Variants in SETD5 observed in about 807,000 individuals in gnomAD.
SETD5 encodes the protein SET domain containing 5.
SETD5 carries 44 observed loss-of-function variants against 153.3 expected under a neutral mutation model. The ratio of observed to expected loss-of-function variants is 0.29; its 90% CI spans 0.23 to 0.37. The LOEUF is 0.37. SETD5 is among the 10% of genes least tolerant of loss of function. SETD5 has a pLI of 1.00. For missense variants in SETD5, 1,544 were observed against 1,768.0 expected, an observed-to-expected ratio of 0.87 and a Z score of 2.27; for synonymous variants, 716 against 645.2, an observed-to-expected ratio of 1.11 and a Z score of -1.66.
intron 17 of SETD5, among the ~76,000 whole-genome samples, chr3:9,460,964 C>T (rs1007224900): frequency 3.3e-5 from 5 of 151,954 alleles, no homozygotes; most frequent in African/African-American, 7.3e-5. Context: ...TAAAGTGATC[C>T]GTTTGACTAA....
At position 9,447,692 on chromosome 3, in the gene SETD5, G is replaced by A. The variant is rs371738111; in HGVS notation, c.1789G>A (p.Ala597Thr). 3.8e-5 allele frequency: 62 copies of A among 1,613,654 alleles called. No individual in the cohort carries two copies. In the African/African-American group the frequency reaches 6.9e-4, roughly 18 times the overall value. Reference sequence around the variant, plus strand: ...GACCCTACTATTGCTACAGGATATTGCTGCAGAAAAACTAGTCCCCAAGCC... The same window carrying A: ...GACCCTACTATTGCTACAGGATATTACTGCAGAAAAACTAGTCCCCAAGCC... ...TRRSSQAGDI[A>T]AEKLVPKPPP... is the part of the protein sequence containing the mutation. The change falls in exon 15 of 23, where the codon GCT becomes ACT. Residue 597 changes from alanine to threonine, a missense_variant. By Grantham distance (58) the Ala-to-Thr change is moderately conservative. Around this residue, in one of 9 missense-constraint regions of SETD5, gnomAD observed 782 missense variants for 787.2 expected, o/e 0.99. Transcript: ENST00000402198.
chr3:9,426,890 G>A (rs1449644917), intron 2 of SETD5, among the ~76,000 whole-genome samples: 1 of 151,968 alleles, frequency 6.6e-6, no homozygotes, highest in Admixed American at 6.5e-5. Context: ...GTAGGAACAG[G>A]CGTATTGTCA....
chr3:9,436,210 C>G (rs1173163527), intron 7 of SETD5, among the ~76,000 whole-genome samples: 1 of 152,188 alleles, frequency 6.6e-6, no homozygotes, highest in African/African-American at 2.4e-5. Flanking sequence ...CTTCCACTAT[C>G]CTTACAGTAT....
At chr3:9,432,970 C>T (rs553831908) in intron 3 of SETD5, among the ~76,000 whole-genome samples, 5 of 152,320 alleles carry the variant, frequency 3.3e-5, no homozygotes, top group Admixed American at 3.3e-4. Flanking sequence ...TGTTTCAAAT[C>T]TTAGCTGTGT....
chr3:9,475,873 T>C lies in SETD5; in HGVS notation c.4111T>C (p.Ser1371Pro). 2 of 1,614,032 alleles carry C rather than the reference T, an allele frequency of 1.2e-6. No individual in the cohort carries two copies. Among genetic ancestry groups the C allele is most frequent in the Non-Finnish European group, 1.7e-6 (2 of 1,179,898 alleles). ...TCAGTCCAGCACAGGAACTCTGAGT[T>C]CCACCTCCTTTCCTCAGAACTCTAG... ...VSQSSTGTLS[S>P]TSFPQNSRSS... Residue 1371 changes from serine to proline, a missense_variant, in exon 23 of 23, where the codon TCC (serine) becomes CCC (proline). By Grantham distance (74) the Ser-to-Pro change is moderately conservative. Around this residue, in one of 9 missense-constraint regions of SETD5, gnomAD observed 302 missense variants for 277.6 expected, o/e 1.09. Transcript: ENST00000402198.
At chr3:9,466,070 C>G (rs569000217) in intron 18 of SETD5, among the ~76,000 whole-genome samples, 1 of 152,008 alleles carries the variant, frequency 6.6e-6, no homozygotes, top group South Asian at 2.1e-4. Flanking sequence ...AGGCGGATCA[C>G]GAGGTCAGTA....
chr3:9,448,414 C>G lies in SETD5; in HGVS notation c.2130C>G (p.Asp710Glu). The G allele has an allele frequency of 2.5e-6, 4 of 1,613,874 alleles. No individual in the cohort carries two copies. In the African/African-American group the frequency reaches 5.3e-5, roughly 22 times the overall value. ...KKYLVTEWLN[D>E]KAEKQECPVE... Reference sequence around the variant, plus strand: ...ATCTAGTTACAGAATGGTTGAATGACAAAGCAGAGAAGCAAGAGTGCCCTG... The same window carrying G: ...ATCTAGTTACAGAATGGTTGAATGAGAAAGCAGAGAAGCAAGAGTGCCCTG... The change falls in exon 16 of 23, where the codon GAC (aspartate) becomes GAG (glutamate). Residue 710 changes from aspartate to glutamate, a missense_variant. Physicochemically the swap from Asp to Glu is conservative, Grantham distance 45 (BLOSUM62 2). Coordinates refer to ENST00000402198, the MANE Select transcript of SETD5 (RefSeq NM_001080517.3).
At chr3:9,457,926 A>G (rs2043460523) in intron 17 of SETD5, among the ~76,000 whole-genome samples, 1 of 152,076 alleles carries the variant, frequency 6.6e-6, no homozygotes, top group Non-Finnish European at 1.5e-5. Context: ...TTAAAAAAAT[A>G]AGAAAAAAAT....
intron 18 of SETD5, among the ~76,000 whole-genome samples, chr3:9,467,891 A>G (rs1302561201): frequency 6.6e-6 from 1 of 151,930 alleles, no homozygotes; most frequent in Non-Finnish European, 1.5e-5. Context: ...TAACATTAAT[A>G]GGGGTGGCTC....
intron 17 of SETD5, among the ~76,000 whole-genome samples, chr3:9,462,901 CTG>C (rs1031686985): frequency 3.3e-5 from 5 of 150,280 alleles, no homozygotes; most frequent in African/African-American, 9.8e-5. Context: ...ATGGCATAGT[CTG>C]TGGTATATAA....
At chr3:9,398,849 C>T (rs1336121327) in intron 1 of SETD5, among the ~76,000 whole-genome samples, 1 of 152,196 alleles carries the variant, frequency 6.6e-6, no homozygotes, top group Non-Finnish European at 1.5e-5. Flanking sequence ...TCTATAGAGT[C>T]CTTGCTTGTC....
At chr3:9,456,508 AG>A (rs2043266090) in intron 17 of SETD5, among the ~76,000 whole-genome samples, 2 of 151,382 alleles carry the variant, frequency 1.3e-5, no homozygotes, top group South Asian at 4.2e-4. Flanking sequence ...CAAGTCTCTG[AG>A]CCTCATTTGT....
chr3:9,440,893 C>A (rs953939972), intron 8 of SETD5, among the ~76,000 whole-genome samples, 195 bp downstream of exon 8: 1 of 152,096 alleles, frequency 6.6e-6, no homozygotes, highest in Non-Finnish European at 1.5e-5. Flanking sequence ...TTTTAAACTA[C>A]CTTTATTAAT....
chr3:9,430,752 C>G (rs531286661), intron 3 of SETD5: 68 of 896,644 alleles, frequency 7.6e-5, no homozygotes, highest in Admixed American at 2.5e-4. Flanking sequence ...GTGTTTTCCC[C>G]AAAGTATAGA....
chr3:9,425,165 G>A (rs962261105), intron 2 of SETD5, among the ~76,000 whole-genome samples: 6 of 147,380 alleles, frequency 4.1e-5, no homozygotes, highest in Non-Finnish European at 5.9e-5. Context: ...GGGTTCAAGC[G>A]ATTCTCTTGC....
chr3:9,455,347 C>G (rs1444771060), intron 17 of SETD5, among the ~76,000 whole-genome samples: 2 of 151,558 alleles, frequency 1.3e-5, no homozygotes, highest in African/African-American at 4.8e-5. Flanking sequence ...CTCAGGAGAT[C>G]CGCCCACCTC....
At chr3:9,462,440 A>G (rs2044071521) in intron 17 of SETD5, among the ~76,000 whole-genome samples, 1 of 151,940 alleles carries the variant, frequency 6.6e-6, no homozygotes, top group Admixed American at 6.6e-5. Context: ...ACAAAAAATT[A>G]GCCGGGTGTG....
Position 9,470,460 on chromosome 3 carries a change from T to C in SETD5, c.2726T>C (p.Leu909Pro). The C allele has an allele frequency of 2.5e-6, 4 of 1,607,160 alleles. No individual in the cohort carries two copies. Among genetic ancestry groups the C allele is most frequent in the Non-Finnish European group, 3.4e-6 (4 of 1,175,002 alleles). Residue 909 changes from leucine (L) to proline (P), a missense_variant and splice_region_variant, in exon 19 of 23, where the codon CTT becomes CCT. By Grantham distance (98) the Leu-to-Pro change is moderately conservative. This residue lies in a region of SETD5 where 782 missense variants were observed against 787.2 expected (regional missense o/e 0.99). Transcript: ENST00000402198. ...CTCCGTTGATTTTTATTCTTTCAGC[T>C]TTGTCACCGAAAAGACCTGGATTTG... ...SRCNTPLQFE[L>P]CHRKDLDLAK... is the part of the protein sequence containing the mutation.
At chr3:9,427,750 T>TC (rs974555837) in intron 2 of SETD5, among the ~76,000 whole-genome samples, 10 of 152,222 alleles carry the variant, frequency 6.6e-5, no homozygotes, top group East Asian at 3.9e-4. Flanking sequence ...TTGACTTTAT[T>TC]CCCCCCCAAA....
Sources: gnomAD v4.1 joint callset for allele counts (sites outside exome capture counted in the v4.1 genomes callset) on GRCh38, gnomAD v4.1.1 for gene constraint, gnomAD v4.1.1 regional missense constraint, MANE v1.5 for transcripts, NCBI Gene and HGNC (gene_info 2026-07-23, HGNC 2026-07-21) for gene names.